DNAJC8: variants seen among roughly 807,000 people sequenced by gnomAD.
DNAJC8 encodes DnaJ heat shock protein family (Hsp40) member C8, also known as dnaJ homolog subfamily C member 8.
In DNAJC8, 24 loss-of-function variants were observed where a neutral mutation model predicts 43.2. The ratio of observed to expected loss-of-function variants is 0.56; its 90% confidence interval spans 0.40 to 0.78. The LOEUF (loss-of-function observed/expected upper bound fraction) is 0.78, where lower values mean the gene tolerates loss of function less well. Among genes scored for constraint, DNAJC8 ranks in the 30% least tolerant of loss-of-function variants. The pLI, the probability that DNAJC8 is intolerant of heterozygous loss-of-function variation, is 0.00. For missense variants in DNAJC8, 207 were observed against 299.4 expected (o/e 0.69, Z 2.28); for synonymous variants, 83 against 98.0 (o/e 0.85, Z 0.90).
At position 28,201,202 on chromosome 1, in the gene DNAJC8, A is replaced by AAG. The variant is rs754226248; in HGVS notation, c.*44_*45dup. 1.2e-5 allele frequency: 20 copies of AAG among 1,609,532 alleles called. No individual in the cohort carries two copies. The Admixed American group carries it at 2.0e-4, about 16-fold the overall frequency. ...GAAAGAATGAGTCCTTCGAAGCAGG[A>AAG]AGGGAGATAGCAGGGGAAAGGTTCT... On this transcript the variant is annotated 3_prime_UTR_variant, in exon 9 of 9. Coordinates refer to ENST00000263697, the MANE Select transcript of DNAJC8 (RefSeq NM_014280.3).
chr1:28,221,805 AAC>A (rs1223876777), intron 2 of DNAJC8, among the ~76,000 whole-genome samples: 1 of 152,186 alleles, frequency 6.6e-6, no homozygotes, highest in Non-Finnish European at 1.5e-5. Context: ...TGTTTATAGC[AAC>A]ACTTTTCTCA....
intron 8 of DNAJC8, among the ~76,000 whole-genome samples, chr1:28,202,572 C>T (rs1340427786): frequency 4.1e-5 from 6 of 145,218 alleles, no homozygotes; most frequent in Admixed American, 1.4e-4. Context: ...AGCCACCTCA[C>T]CCGGCCTTTT....
intron 2 of DNAJC8, among the ~76,000 whole-genome samples, chr1:28,226,092 C>T (rs1646932261): frequency 6.6e-6 from 1 of 151,170 alleles, no homozygotes; most frequent in African/African-American, 2.4e-5. Flanking sequence ...AGTGTTGTTT[C>T]TATTATTTAA....
chr1:28,210,227 G>A (rs1394027976), intron 4 of DNAJC8, 161 bp from the exon 5 acceptor site: 2 of 650,246 alleles, frequency 3.1e-6, no homozygotes, highest in Non-Finnish European at 5.3e-6. Flanking sequence ...CTATAGCAAT[G>A]ACTTTCCTTA....
At chr1:28,213,450 G>C (rs1646829023) in intron 3 of DNAJC8, among the ~76,000 whole-genome samples, 1 of 151,854 alleles carries the variant, frequency 6.6e-6, no homozygotes, top group South Asian at 2.1e-4. Context: ...CGTAGACCAA[G>C]TTAAAAAACA....
Position 28,205,403 on chromosome 1 carries a change from C to T in DNAJC8, c.472-54G>A, listed in dbSNP as rs1646762016. 7 of 1,394,068 alleles carry T rather than the reference C, an allele frequency of 5.0e-6. No individual in the cohort carries two copies. In the East Asian group the frequency reaches 1.6e-4, roughly 32 times the overall value. 86.4% of individuals were successfully genotyped at this position (1,394,068 alleles called of 1,614,324 possible). A position where few individuals can be genotyped will look rare whatever the true frequency, so the allele number is the denominator to read the frequency against. On this transcript the variant is annotated intron_variant, in intron 6 of 8. Coordinates refer to ENST00000263697, the MANE Select transcript of DNAJC8 (RefSeq NM_014280.3). The stretch of plus-strand genomic sequence containing the variant: ...TCAGAGTAAATATTTTTACCAGCAA[C>T]TTGAACCATGTACTTTCACCTGGAG...
chr1:28,212,273 T>C (rs1176620144), intron 3 of DNAJC8, among the ~76,000 whole-genome samples: 1 of 46,530 alleles, frequency 2.1e-5, no homozygotes, highest in African/African-American at 1.6e-4. Flanking sequence ...TGTTCTATTC[T>C]TTTTTTTTTT....
intron 8 of DNAJC8, 51 bp from the exon 9 acceptor site, chr1:28,201,421 G>A: frequency 6.2e-7 from 1 of 1,609,690 alleles, no homozygotes; most frequent in East Asian, 2.2e-5. Flanking sequence ...GAGTGGAAAG[G>A]CCTAAACCTG....
At chr1:28,204,899 T>C (rs1646758837) in intron 7 of DNAJC8, among the ~76,000 whole-genome samples, 1 of 152,158 alleles carries the variant, frequency 6.6e-6, no homozygotes, top group Admixed American at 6.5e-5. Flanking sequence ...GGTGTACACC[T>C]GTAGTCCCAG....
chr1:28,216,544 A>C (rs747687978), intron 2 of DNAJC8, among the ~76,000 whole-genome samples: 6 of 152,130 alleles, frequency 3.9e-5, no homozygotes, highest in African/African-American at 1.4e-4. Flanking sequence ...ACCCTGATTG[A>C]TTTTTTAAAA....
chr1:28,202,782 C>G (rs933001217), intron 8 of DNAJC8, among the ~76,000 whole-genome samples: 4 of 151,118 alleles, frequency 2.6e-5, no homozygotes, highest in Admixed American at 1.3e-4. Context: ...CAGGGTTTCA[C>G]CATGTTAGCC....
At chr1:28,224,484 T>A (rs1474052648) in intron 2 of DNAJC8, among the ~76,000 whole-genome samples, 3 of 152,006 alleles carry the variant, frequency 2.0e-5, no homozygotes, top group Non-Finnish European at 1.5e-5. Context: ...GCCAAGCTGG[T>A]CTTGAACTCC....
chr1:28,221,111 G>A (rs550487958), intron 2 of DNAJC8, among the ~76,000 whole-genome samples: 2 of 151,756 alleles, frequency 1.3e-5, no homozygotes, highest in Non-Finnish European at 2.9e-5. Flanking sequence ...AGGCTGAGGC[G>A]GGTGGATCAC....
At chr1:28,212,502 G>A (rs534511502) in intron 3 of DNAJC8, among the ~76,000 whole-genome samples, 95 of 151,044 alleles carry the variant, frequency 6.3e-4, no homozygotes, top group African/African-American at 2.2e-3. Context: ...GGCTGGTCAC[G>A]AACTCCTGAG....
intron 2 of DNAJC8, among the ~76,000 whole-genome samples, chr1:28,221,344 A>C (rs1050700763): frequency 6.6e-6 from 1 of 152,040 alleles, no homozygotes; most frequent in Non-Finnish European, 1.5e-5. Flanking sequence ...TGTCTCAAAA[A>C]GGGAAAAAGA....
chr1:28,226,498 C>CA lies in DNAJC8; in HGVS notation c.180+2423dup, dbSNP rs201620731. Among the ~76,000 whole-genome samples, 3,906 of 143,566 alleles carry CA rather than the reference C, an allele frequency of 0.027. 577 individuals are homozygous for CA. The East Asian group carries it at 0.38, about 14-fold the overall frequency. The allele number at this position is 143,566 out of a possible 152,430, so 94.2% of individuals were successfully genotyped here. On this transcript the variant is annotated intron_variant, in intron 2 of 8. Coordinates refer to ENST00000263697, the MANE Select transcript of DNAJC8 (RefSeq NM_014280.3). ...AGCCTGGGCGACAGAGACTCCATCT[C>CA]AAAAAAAAAAATTTTAGAAAGAAAT...
At position 28,217,590 on chromosome 1, in the gene DNAJC8, A is replaced by G. The variant is rs1209444601; in HGVS notation, c.181-2594T>C. On this transcript the variant is annotated intron_variant, in intron 2 of 8. Transcript: ENST00000263697. ...CTCAATAGGAAGAGCGAAGTCACGT[A>G]AGATTTACAGACGAGGGGCTGTAAC... is the stretch of plus-strand genomic sequence containing the variant. Among the ~76,000 whole-genome samples, 7 of 152,094 alleles carry G rather than the reference A, an allele frequency of 4.6e-5. No homozygotes were observed. The East Asian group carries it at 1.2e-3, about 25-fold the overall frequency.
At chr1:28,212,421 C>T (rs999272419) in intron 3 of DNAJC8, among the ~76,000 whole-genome samples, 3 of 149,592 alleles carry the variant, frequency 2.0e-5, no homozygotes, top group Admixed American at 1.3e-4. Flanking sequence ...ACTACAGGCA[C>T]GGCTAATTTT....
At chr1:28,225,102 A>G (rs1646925326) in intron 2 of DNAJC8, among the ~76,000 whole-genome samples, 1 of 151,286 alleles carries the variant, frequency 6.6e-6, no homozygotes, top group Admixed American at 6.6e-5. Context: ...TATAGTAACA[A>G]TGTATCCAGA....
Sources: gnomAD v4.1 joint callset for allele counts (sites outside exome capture counted in the v4.1 genomes callset) on GRCh38, gnomAD v4.1.1 for gene constraint, MANE v1.5 for transcripts, NCBI Gene and HGNC (gene_info 2026-07-23, HGNC 2026-07-21) for gene names.